Variants in LYPLAL1 observed in about 807,000 individuals in gnomAD.
LYPLAL1 encodes the protein lysophospholipase-like protein 1.
Under a neutral mutation model 19.7 loss-of-function variants are expected in LYPLAL1, and 23 were observed. That is an observed-to-expected ratio of 1.17 (90% CI 0.84 to 1.65). The LOEUF is 1.65. Ranked by LOEUF, LYPLAL1 falls within the 40% of genes most tolerant of loss-of-function variation. The pLI is 0.00. For missense variants in LYPLAL1, 355 were observed against 279.4 expected (o/e 1.27, Z -1.93); for synonymous variants, 119 against 96.3 (o/e 1.24, Z -1.38).
At chr1:219,179,459 C>T (rs1304388536) in intron 2 of LYPLAL1, 1 of 474,518 alleles carries the variant, frequency 2.1e-6, no homozygotes, top group Non-Finnish European at 3.7e-6. Context: ...GTAAAGCATT[C>T]CCTAAAGCTC....
At chr1:219,252,782 A>T in the LYPLAL1 span, among the ~76,000 whole-genome samples, 1,054 of 152,162 alleles carry the variant, frequency 6.9e-3, 15 homozygotes, top group African/African-American at 0.023. Flanking sequence ...TGGTATCAAG[A>T]TAATGCTGGC....
chr1:219,212,614 TTAAG>T lies in LYPLAL1; in HGVS notation c.*888_*891del, dbSNP rs1659127267. 1 of 152,046 alleles carries T rather than the reference TTAAG, an allele frequency of 6.6e-6. No individual in the cohort carries two copies. Among genetic ancestry groups the T allele is most frequent in the African/African-American group, 2.4e-5 (1 of 41,436 alleles). 9.4% of individuals were successfully genotyped at this position (152,046 alleles called of 1,614,324 possible). A position where few individuals can be genotyped will look rare whatever the true frequency, so the allele number is the denominator to read the frequency against. ...AATTTTATTTGATCCTCACAACTGT[TTAAG>T]TTTTATTAAATATACATTATCCCTA... On this transcript the variant is annotated 3_prime_UTR_variant, in exon 5 of 5. Transcript: ENST00000366928.
chr1:219,431,030 G>A, the LYPLAL1 span, among the ~76,000 whole-genome samples: 2 of 152,164 alleles, frequency 1.3e-5, no homozygotes, highest in Non-Finnish European at 2.9e-5. Context: ...TCATACAATT[G>A]TCTTTAAGAG....
intron 3 of LYPLAL1, among the ~76,000 whole-genome samples, chr1:219,203,770 A>C (rs183032269): frequency 2.6e-5 from 4 of 152,332 alleles, no homozygotes; most frequent in Admixed American, 6.5e-5. Flanking sequence ...TTTTAGAAAG[A>C]TTATGCTGAC....
chr1:219,211,629 T>G lies in LYPLAL1; in HGVS notation c.615T>G (p.Ser205Arg). 1 of 1,613,454 alleles carries G rather than the reference T, an allele frequency of 6.2e-7. No individual in the cohort carries two copies. Among genetic ancestry groups the G allele is most frequent in the Non-Finnish European group, 8.5e-7 (1 of 1,179,580 alleles). ...TAGGAGTGACCACGAAGTTTCATAG[T>G]TTTCCAAATGTTTACCATGAGCTAA... ...KSLGVTTKFHSFPNVYHELSK... is the reference protein window; with the variant it reads ...KSLGVTTKFHRFPNVYHELSK... Residue 205 changes from serine to arginine, a missense_variant, in exon 5 of 5, where the codon AGT becomes AGG. Physicochemically the swap from Ser to Arg is moderately radical, Grantham distance 110. Transcript: ENST00000366928.
chr1:219,238,008 T>C, the LYPLAL1 span, among the ~76,000 whole-genome samples: 1 of 152,194 alleles, frequency 6.6e-6, no homozygotes, highest in African/African-American at 2.4e-5. Context: ...TTTTAGACTT[T>C]GCAATTATTG....
the LYPLAL1 span, among the ~76,000 whole-genome samples, chr1:219,350,828 A>G: frequency 6.6e-6 from 1 of 152,184 alleles, no homozygotes; most frequent in Non-Finnish European, 1.5e-5. Context: ...ACTGTGATGA[A>G]TATGAATAAC....
the LYPLAL1 span, among the ~76,000 whole-genome samples, chr1:219,396,472 A>G: frequency 6.6e-6 from 1 of 152,228 alleles, no homozygotes; most frequent in South Asian, 2.1e-4. Context: ...TCTATGAAGA[A>G]TGTCATTGGT....
chr1:219,215,094 T>A (rs1659239307), downstream of LYPLAL1, among the ~76,000 whole-genome samples: 1 of 152,156 alleles, frequency 6.6e-6, no homozygotes, highest in Admixed American at 6.5e-5. Context: ...TGAAGACCTG[T>A]ATTTTTTTTC....
At chr1:219,176,181 A>G (rs935153826) in intron 1 of LYPLAL1, among the ~76,000 whole-genome samples, 5 of 152,166 alleles carry the variant, frequency 3.3e-5, no homozygotes, top group Non-Finnish European at 5.9e-5. Context: ...AGTACTAAAG[A>G]CGGACCTTCT....
chr1:219,203,135 A>G (rs566901761), intron 3 of LYPLAL1, among the ~76,000 whole-genome samples: 1 of 152,218 alleles, frequency 6.6e-6, no homozygotes, highest in Non-Finnish European at 1.5e-5. Context: ...AATGTAAGAC[A>G]GTATGTCCTA....
At chr1:219,288,581 A>G in the LYPLAL1 span, among the ~76,000 whole-genome samples, 1 of 152,334 alleles carries the variant, frequency 6.6e-6, no homozygotes, top group African/African-American at 2.4e-5. Flanking sequence ...TGATGAATAC[A>G]TATTATTATA....
At chr1:219,295,072 A>G in the LYPLAL1 span, among the ~76,000 whole-genome samples, 3 of 152,244 alleles carry the variant, frequency 2.0e-5, no homozygotes, top group African/African-American at 7.2e-5. Context: ...TTGGTCCTGA[A>G]AGCAGCTCTG....
the LYPLAL1 span, among the ~76,000 whole-genome samples, chr1:219,302,408 A>G: frequency 6.6e-6 from 1 of 151,998 alleles, no homozygotes; most frequent in Non-Finnish European, 1.5e-5. Context: ...CTTATTTTTC[A>G]CTATTCCCCT....
At chr1:219,226,525 A>C in the LYPLAL1 span, among the ~76,000 whole-genome samples, 1 of 152,126 alleles carries the variant, frequency 6.6e-6, no homozygotes, top group Non-Finnish European at 1.5e-5. Context: ...AGCACATCAA[A>C]TAGATAGCTG....
At chr1:219,382,228 A>G in the LYPLAL1 span, among the ~76,000 whole-genome samples, 1 of 152,188 alleles carries the variant, frequency 6.6e-6, no homozygotes, top group African/African-American at 2.4e-5. Flanking sequence ...AATGAATACA[A>G]AGTTCTACAG....
chr1:219,269,695 T>C, the LYPLAL1 span, among the ~76,000 whole-genome samples: 3 of 152,230 alleles, frequency 2.0e-5, no homozygotes, highest in African/African-American at 7.2e-5. Flanking sequence ...CCCCATTCAC[T>C]TTTTTATTCC....
the LYPLAL1 span, among the ~76,000 whole-genome samples, chr1:219,220,889 GA>G: frequency 2.4e-4 from 37 of 152,226 alleles, no homozygotes; most frequent in African/African-American, 8.4e-4. Context: ...GTAAACTTAC[GA>G]GACTGGAACA....
intron 2 of LYPLAL1, among the ~76,000 whole-genome samples, chr1:219,179,938 C>T (rs542636711): frequency 2.5e-4 from 38 of 152,186 alleles, no homozygotes; most frequent in South Asian, 4.1e-4. Flanking sequence ...TGTGGAGCTA[C>T]GCCCCAATCT....
Sources: gnomAD v4.1 joint callset for allele counts (sites outside exome capture counted in the v4.1 genomes callset) on GRCh38, gnomAD v4.1.1 for gene constraint, MANE v1.5 for transcripts, NCBI Gene and HGNC (gene_info 2026-07-23, HGNC 2026-07-21) for gene names.